The following BRAF variants were observed in gnomAD, a reference collection of about 807,000 sequenced individuals.
The protein encoded by BRAF is B-Raf proto-oncogene, serine/threonine kinase.
Under a neutral mutation model 104.6 loss-of-function variants are expected in BRAF, and 16 were observed. That is an observed-to-expected ratio of 0.15 (90% CI 0.10 to 0.23). The LOEUF is 0.23. Among genes scored for constraint, BRAF ranks in the 10% least tolerant of loss-of-function variants. BRAF has a pLI of 1.00. For missense variants in BRAF, 541 were observed against 937.3 expected (o/e 0.58, Z 5.52); for synonymous variants, 310 against 341.6 (o/e 0.91, Z 1.02).
intron 14 of BRAF, among the ~76,000 whole-genome samples, chr7:140,761,455 C>T (rs891591276): frequency 3.3e-5 from 5 of 151,980 alleles, no homozygotes; most frequent in Admixed American, 2.6e-4. Flanking sequence ...TAAAGACCAT[C>T]GAGACTAGGA....
Position 140,723,653 on chromosome 7 carries a change from TACAA to T in BRAF, c.*2837_*2840del, listed in dbSNP as rs1795434419. ...AAGTCCATCAGGAATACTACACAGT[TACAA>T]ACAATCCTCTGTAGTTGCTCTCAAA... On this transcript the variant is annotated 3_prime_UTR_variant, in exon 20 of 20. Transcript: ENST00000644969. 1.1e-5 allele frequency: 12 copies of T among 1,050,736 alleles called. No individual in the cohort carries two copies. The highest frequency in any genetic ancestry group is 4.6e-5 in the South Asian group (1 of 21,828). 65.1% of individuals were successfully genotyped at this position (1,050,736 alleles called of 1,614,324 possible). A position where few individuals can be genotyped will look rare whatever the true frequency, so the allele number is the denominator to read the frequency against.
intron 5 of BRAF, among the ~76,000 whole-genome samples, chr7:140,807,137 T>G (rs1299988576): frequency 6.6e-6 from 1 of 152,192 alleles, no homozygotes; most frequent in South Asian, 2.1e-4. Context: ...CCGGGCCTTA[T>G]GCTGGTGACC....
chr7:140,807,996 T>C lies in BRAF; in HGVS notation c.675A>G (p.Glu225=), dbSNP rs755993280. 1.9e-6 allele frequency: 3 copies of C among 1,613,476 alleles called. No individual in the cohort carries two copies. The highest frequency in any genetic ancestry group is 3.3e-5 in the Admixed American group (2 of 60,006). The change falls in exon 5 of 20, where the codon GAA becomes GAG. Residue 225 remains glutamate, a synonymous_variant. Transcript: ENST00000644969. ...TTGTAAGTGGAACATTCTCCAACAC[T>C]TCCACATGCAATTCTTCTCCAGTAA... ...SWLTGEELHV[E]VLENVPLTTH...
chr7:140,918,314 C>T (rs1327201417), intron 1 of BRAF, among the ~76,000 whole-genome samples: 1 of 152,100 alleles, frequency 6.6e-6, no homozygotes, highest in Non-Finnish European at 1.5e-5. Context: ...ATTGTTCCAC[C>T]TCAGATCATC....
intron 1 of BRAF, among the ~76,000 whole-genome samples, chr7:140,873,849 T>C (rs571359482): frequency 6.6e-6 from 1 of 152,080 alleles, no homozygotes; most frequent in Non-Finnish European, 1.5e-5. Context: ...GATACACAGA[T>C]AGACACACAA....
chr7:140,884,348 C>T (rs1465813037), intron 1 of BRAF, among the ~76,000 whole-genome samples: 2 of 151,410 alleles, frequency 1.3e-5, no homozygotes, highest in Non-Finnish European at 2.9e-5. Flanking sequence ...TTTTACTTCT[C>T]CAGAAGCCCC....
At chr7:140,754,724 C>T (rs1351755279) in intron 14 of BRAF, among the ~76,000 whole-genome samples, 5 of 152,094 alleles carry the variant, frequency 3.3e-5, no homozygotes, top group Admixed American at 2.6e-4. Flanking sequence ...CACTGCTCAA[C>T]TTATGTAGTA....
At chr7:140,889,918 T>A (rs1586559624) in intron 1 of BRAF, among the ~76,000 whole-genome samples, 1 of 152,358 alleles carries the variant, frequency 6.6e-6, no homozygotes, top group East Asian at 1.9e-4. Context: ...TCACAATGTC[T>A]GGGTCCAAGT....
chr7:140,764,489 G>A (rs1799107736), intron 14 of BRAF, among the ~76,000 whole-genome samples: 1 of 150,884 alleles, frequency 6.6e-6, no homozygotes, highest in Non-Finnish European at 1.5e-5. Context: ...ATTCAATTAG[G>A]AAAAGAGGAA....
chr7:140,764,802 T>C (rs1011771806), intron 14 of BRAF, among the ~76,000 whole-genome samples: 1 of 151,878 alleles, frequency 6.6e-6, no homozygotes, highest in African/African-American at 2.4e-5. Flanking sequence ...TAAAAGAGGA[T>C]ACAAACAAAT....
chr7:140,903,907 T>C (rs1815978123), intron 1 of BRAF, among the ~76,000 whole-genome samples: 1 of 152,214 alleles, frequency 6.6e-6, no homozygotes, highest in South Asian at 2.1e-4. Flanking sequence ...TGTGACTGAA[T>C]TGCTACAATA....
At chr7:140,795,068 C>A (rs1422575584) in intron 7 of BRAF, among the ~76,000 whole-genome samples, 2 of 152,086 alleles carry the variant, frequency 1.3e-5, no homozygotes, top group Admixed American at 1.3e-4. Flanking sequence ...TTATTGATAA[C>A]AGAGACACAA....
chr7:140,864,088 G>A (rs968382081), intron 1 of BRAF, among the ~76,000 whole-genome samples: 1 of 152,200 alleles, frequency 6.6e-6, no homozygotes, highest in Admixed American at 6.5e-5. Flanking sequence ...TCACTCTAGT[G>A]AAGAATGGAT....
At chr7:140,877,306 G>T (rs1812382381) in intron 1 of BRAF, among the ~76,000 whole-genome samples, 1 of 73,074 alleles carries the variant, frequency 1.4e-5, no homozygotes, top group Non-Finnish European at 2.4e-5. Context: ...GGGGGGGGGT[G>T]GGTCTTGCAT....
At chr7:140,894,851 C>T (rs1317067589) in intron 1 of BRAF, among the ~76,000 whole-genome samples, 2 of 152,132 alleles carry the variant, frequency 1.3e-5, no homozygotes, top group Admixed American at 6.6e-5. Flanking sequence ...ACATCCACAT[C>T]TAAAACTCAC....
intron 5 of BRAF, among the ~76,000 whole-genome samples, chr7:140,804,351 C>T (rs1053951403): frequency 6.6e-6 from 1 of 151,368 alleles, no homozygotes; most frequent in Non-Finnish European, 1.5e-5. Context: ...ACTATAGGCG[C>T]ACACCATCAC....
intron 13 of BRAF, 116 bp from the exon 13 acceptor site, chr7:140,777,204 T>A (rs1800421404): frequency 1.0e-5 from 11 of 1,086,280 alleles, no homozygotes; most frequent in South Asian, 5.8e-5. Context: ...TTTTTTTTTT[T>A]TAAAAAAGGC....
chr7:140,883,618 C>T (rs1813192375), intron 1 of BRAF, among the ~76,000 whole-genome samples: 1 of 152,132 alleles, frequency 6.6e-6, no homozygotes, highest in Non-Finnish European at 1.5e-5. Context: ...AATAACCATA[C>T]ACAATAGATC....
At chr7:140,748,192 C>T (rs1334963480) in intron 17 of BRAF, among the ~76,000 whole-genome samples, 1 of 152,156 alleles carries the variant, frequency 6.6e-6, no homozygotes, top group East Asian at 1.9e-4. Flanking sequence ...GAAAGCTACT[C>T]AGAGCTAGCA....
Sources: gnomAD v4.1 joint callset for allele counts (sites outside exome capture counted in the v4.1 genomes callset) on GRCh38, gnomAD v4.1.1 for gene constraint, MANE v1.5 for transcripts, NCBI Gene and HGNC (gene_info 2026-07-23, HGNC 2026-07-21) for gene names.